The following MAST4 variants were observed in gnomAD, a reference collection of about 807,000 sequenced individuals.
MAST4 encodes microtubule associated serine/threonine kinase family member 4.
A neutral mutation model predicts 162.7 loss-of-function variants in MAST4; 89 were observed. That is an observed-to-expected ratio of 0.55 (90% CI 0.46 to 0.65). The LOEUF is 0.65. MAST4 is among the 30% of genes least tolerant of loss of function. MAST4 has a pLI of 0.00. For missense variants in MAST4, 3,153 were observed against 3,374.0 expected, an observed-to-expected ratio of 0.93 and a Z score of 1.62; for synonymous variants, 1,479 against 1,361.1, an observed-to-expected ratio of 1.09 and a Z score of -1.91.
At chr5:67,109,305 TAACAC>T (rs1765942722) in intron 10 of MAST4, among the ~76,000 whole-genome samples, 1 of 152,120 alleles carries the variant, frequency 6.6e-6, no homozygotes, top group Non-Finnish European at 1.5e-5. Context: ...ACCAACATGA[TAACAC>T]AAGTGGAAAT....
At chr5:66,679,873 G>A (rs1013956087) in intron 1 of MAST4, among the ~76,000 whole-genome samples, 25 of 151,962 alleles carry the variant, frequency 1.6e-4, no homozygotes, top group African/African-American at 3.1e-4. Context: ...GGAATTCATC[G>A]TCCTTCAAAG....
intron 2 of MAST4, among the ~76,000 whole-genome samples, chr5:66,781,507 C>T (rs973638582): frequency 3.3e-5 from 5 of 152,200 alleles, no homozygotes; most frequent in Non-Finnish European, 7.4e-5. Context: ...CCCTTAACTT[C>T]TGCAGTGCTA....
intron 3 of MAST4, among the ~76,000 whole-genome samples, chr5:66,789,261 A>G (rs980981139): frequency 1.1e-4 from 17 of 152,132 alleles, no homozygotes; most frequent in African/African-American, 3.9e-4. Context: ...TCATCTATAT[A>G]TTATAGACCT....
chr5:67,118,742 C>T lies in MAST4; in HGVS notation c.1652C>T (p.Ser551Leu), dbSNP rs1767229883. Residue 551 changes from serine to leucine, a missense_variant, in exon 13 of 29, where the codon TCA becomes TTA. Coordinates refer to ENST00000403625, the MANE Select transcript of MAST4 (RefSeq NM_001164664.2). ...GCAGAAACACCAGAAACAGATGAAT[C>T]AGTGAGTGTAAGTATATTTCTTGAT... is the stretch of plus-strand genomic sequence containing the variant. ...GTAETPETDE[S>L]VSSSNASLKL... The T allele has an allele frequency of 4.5e-6, 7 of 1,551,374 alleles. No individual in the cohort carries two copies. The highest frequency in any genetic ancestry group is 6.2e-6 in the Non-Finnish European group (7 of 1,136,732).
intron 4 of MAST4, among the ~76,000 whole-genome samples, chr5:66,970,919 C>T (rs925821289): frequency 1.3e-5 from 2 of 152,100 alleles, no homozygotes; most frequent in Non-Finnish European, 1.5e-5. Context: ...GCCTTTTTTT[C>T]CAGTGTGATG....
In MAST4 at chr5:66,631,590, G is replaced by A. The variant is rs557974351; in HGVS notation, c.363+34572G>A. 2.0e-5 allele frequency among the ~76,000 whole-genome samples: 3 copies of A among 152,186 alleles called. No individual in the cohort carries two copies. In the East Asian group the frequency reaches 5.8e-4, roughly 29 times the overall value. The stretch of plus-strand genomic sequence containing the variant: ...TTGTGCGCTAGGTAATACTTTGTGT[G>A]TACAATAAGCTCCCCAACAACACCC... On this transcript the variant is annotated intron_variant, in intron 1 of 28. Transcript: ENST00000403625.
Position 66,931,682 on chromosome 5 carries a change from T to G in MAST4, c.674+31700T>G, listed in dbSNP as rs372179334. On this transcript the variant is annotated intron_variant, in intron 4 of 28. Coordinates refer to ENST00000403625, the MANE Select transcript of MAST4 (RefSeq NM_001164664.2). ...GTGTTTTCTTTTTTCATGCAATACC[T>G]GGCCTCCATCACAAAAAATATTTAG... Among the ~76,000 whole-genome samples the G allele has an allele frequency of 1.5e-4, 23 of 152,310 alleles. No individual in the cohort carries two copies. In the East Asian group the frequency reaches 1.7e-3, roughly 11 times the overall value.
chr5:66,825,261 G>GAGACACAC (rs1451713039), intron 3 of MAST4, among the ~76,000 whole-genome samples: 2 of 135,648 alleles, frequency 1.5e-5, no homozygotes, highest in African/African-American at 2.8e-5. Flanking sequence ...TAAAAACTAA[G>GAGACACAC]ACACACACAC....
chr5:67,054,303 C>T (rs116577066), intron 4 of MAST4, 101 bp from the exon 5 acceptor site: 113 of 816,822 alleles, frequency 1.4e-4, no homozygotes, highest in Non-Finnish European at 2.0e-4. Flanking sequence ...ATAACATGAG[C>T]AGATAGGTTG....
At chr5:67,033,953 T>G (rs961095109) in intron 4 of MAST4, among the ~76,000 whole-genome samples, 1 of 152,154 alleles carries the variant, frequency 6.6e-6, no homozygotes, top group African/African-American at 2.4e-5. Context: ...TGTAACCCTG[T>G]TTATCTATTT....
Position 67,165,976 on chromosome 5 carries a change from A to G in MAST4, c.6797A>G (p.Gln2266Arg). ...AACAAAGCCAGCGATGGGATTGGCC[A>G]GGGAGAAGGTGGGCCCTCTGTCCCA... ...SQNKASDGIG[Q>R]GEGGPSVPLH... The change falls in exon 29 of 29, where the codon CAG becomes CGG. Residue 2266 changes from glutamine (Q) to arginine (R), a missense_variant. Transcript: ENST00000403625. 2.5e-6 allele frequency: 4 copies of G among 1,613,486 alleles called. No homozygotes were observed. Among genetic ancestry groups the G allele is most frequent in the Non-Finnish European group, 3.4e-6 (4 of 1,179,820 alleles).
chr5:67,066,080 A>AG (rs1760191903), intron 5 of MAST4, among the ~76,000 whole-genome samples: 1 of 151,972 alleles, frequency 6.6e-6, no homozygotes, highest in African/African-American at 2.4e-5. Flanking sequence ...AAATACAAAA[A>AG]CAGTCATATA....
At chr5:66,788,607 C>CCCCCCCAA in intron 2 of MAST4, 63 bp from the exon 3 acceptor site, 3 of 1,373,728 alleles carry the variant, frequency 2.2e-6, no homozygotes, top group South Asian at 1.2e-5. Context: ...CCCCCACCCC[C>CCCCCCCAA]ATTGCAATAA....
At chr5:66,975,594 G>A (rs1748042756) in intron 4 of MAST4, among the ~76,000 whole-genome samples, 1 of 152,188 alleles carries the variant, frequency 6.6e-6, no homozygotes, top group African/African-American at 2.4e-5. Flanking sequence ...AAGGACAAGT[G>A]TGTGTAAGGT....
At chr5:66,989,893 A>G (rs1480657521) in intron 4 of MAST4, among the ~76,000 whole-genome samples, 1 of 152,182 alleles carries the variant, frequency 6.6e-6, no homozygotes, top group Non-Finnish European at 1.5e-5. Context: ...CAGAGACCAG[A>G]CACATAAATA....
rs1308990261 is a variant in MAST4 at position 67,168,285 on chromosome 5, T to C, written c.*1234T>C. On this transcript the variant is annotated 3_prime_UTR_variant, in exon 29 of 29. Coordinates refer to ENST00000403625, the MANE Select transcript of MAST4 (RefSeq NM_001164664.2). ...GGGTTTCACATTCATTTCTGCTGCA[T>C]CTAGTAGCTCCACACATTTCATAAC... The C allele has an allele frequency of 1.3e-5, 2 of 152,050 alleles. No individual in the cohort carries two copies. Among genetic ancestry groups the C allele is most frequent in the East Asian group, 3.9e-4 (2 of 5,180 alleles). The allele number at this position is 152,050 out of a possible 1,614,324, so 9.4% of individuals were successfully genotyped here.
At chr5:66,855,323 A>G (rs1200842231) in intron 3 of MAST4, among the ~76,000 whole-genome samples, 1 of 152,186 alleles carries the variant, frequency 6.6e-6, no homozygotes, top group Non-Finnish European at 1.5e-5. Context: ...GCTATGATTA[A>G]AAGCTCCCTG....
At chr5:66,826,092 T>A (rs536751903) in intron 3 of MAST4, among the ~76,000 whole-genome samples, 3 of 152,312 alleles carry the variant, frequency 2.0e-5, no homozygotes, top group Non-Finnish European at 4.4e-5. Context: ...TACTATTCCC[T>A]CCGCTAAGCC....
chr5:66,860,609 G>GTT (rs138772390), intron 3 of MAST4, among the ~76,000 whole-genome samples: 1,774 of 146,204 alleles, frequency 0.012, 35 homozygotes, highest in African/African-American at 0.042. Flanking sequence ...CACCTTTTTC[G>GTT]TTTTTTTTTT....
Sources: gnomAD v4.1 joint callset for allele counts (sites outside exome capture counted in the v4.1 genomes callset) on GRCh38, gnomAD v4.1.1 for gene constraint, MANE v1.5 for transcripts, NCBI Gene and HGNC (gene_info 2026-07-23, HGNC 2026-07-21) for gene names.